The following CCDC125 variants were observed in gnomAD, a reference collection of about 807,000 sequenced individuals.
CCDC125 encodes coiled-coil domain containing 125.
A neutral mutation model predicts 57.4 loss-of-function variants in CCDC125; 43 were observed. That is an observed-to-expected ratio of 0.75 (90% CI 0.59 to 0.97). The LOEUF (loss-of-function observed/expected upper bound fraction) is 0.97. Ranked by LOEUF, CCDC125 falls within the 50% of genes least tolerant of loss-of-function variation. The pLI is 0.00. For synonymous variants in CCDC125, 187 were observed against 195.2 expected, an observed-to-expected ratio of 0.96 and a Z score of 0.35; for missense variants, 563 against 595.7, an observed-to-expected ratio of 0.95 and a Z score of 0.57.
At position 69,302,000 on chromosome 5, in the gene CCDC125, T is replaced by C. The variant is rs1756537602; in HGVS notation, c.700+1847A>G. Among the ~76,000 whole-genome samples, 3 of 151,766 alleles carry C rather than the reference T, an allele frequency of 2.0e-5. No individual in the cohort carries two copies. The South Asian group carries it at 6.2e-4, about 32-fold the overall frequency. On this transcript the variant is annotated intron_variant, in intron 7 of 11. Transcript: ENST00000396496. ...TGGGAGGCTGAGGTGGGAGGATCTC[T>C]TGAGCCCAGAAAGTGGAGGTTGCAG... is the stretch of plus-strand genomic sequence containing the variant.
intron 10 of CCDC125, among the ~76,000 whole-genome samples, chr5:69,290,720 C>A (rs1443279710): frequency 6.8e-6 from 1 of 147,720 alleles, no homozygotes; most frequent in South Asian, 2.2e-4. Context: ...ACCTCCACTT[C>A]CCAGGTTCAA....
intron 10 of CCDC125, among the ~76,000 whole-genome samples, chr5:69,290,109 T>C (rs748187794): frequency 6.6e-6 from 1 of 152,038 alleles, no homozygotes; most frequent in Non-Finnish European, 1.5e-5. Context: ...TTACTGCTTC[T>C]ATTTCTATCA....
chr5:69,324,974 G>C (rs1186775962), intron 1 of CCDC125, among the ~76,000 whole-genome samples: 2 of 152,214 alleles, frequency 1.3e-5, no homozygotes, highest in Admixed American at 6.5e-5. Flanking sequence ...AAGGGCATGA[G>C]GGAAGTTTTC....
rs543223686 is a variant in CCDC125, at chr5:69,280,634, G to A, written c.*2095C>T. On this transcript the variant is annotated 3_prime_UTR_variant, in exon 12 of 12. Transcript: ENST00000396496. The stretch of plus-strand genomic sequence containing the variant: ...CAATAAATTATGCTGCATCTCCTTT[G>A]CTGTCTCATTTAAATTCTTTTAAAC... The A allele has an allele frequency of 6.6e-6, 1 of 152,212 alleles. No homozygotes were observed. The highest frequency in any genetic ancestry group is 2.1e-4 in the South Asian group (1 of 4,816). 9.4% of individuals were successfully genotyped at this position (152,212 alleles called of 1,614,324 possible). A position where few individuals can be genotyped will look rare whatever the true frequency, so the allele number is the denominator to read the frequency against.
At chr5:69,330,673 A>C (rs1761307458) in intron 1 of CCDC125, among the ~76,000 whole-genome samples, 1 of 151,968 alleles carries the variant, frequency 6.6e-6, no homozygotes, top group Non-Finnish European at 1.5e-5. Flanking sequence ...TGCATCAACT[A>C]TGCTCCAAAA....
At chr5:69,312,897 T>C (rs1211263242) in intron 3 of CCDC125, among the ~76,000 whole-genome samples, 1 of 152,108 alleles carries the variant, frequency 6.6e-6, no homozygotes, top group Non-Finnish European at 1.5e-5. Flanking sequence ...CTGGTCCTGC[T>C]TCCATGAGTA....
At chr5:69,322,619 G>A (rs780792096) in intron 1 of CCDC125, among the ~76,000 whole-genome samples, 15 of 151,544 alleles carry the variant, frequency 9.9e-5, no homozygotes, top group East Asian at 4.0e-4. Flanking sequence ...CTGGAGTGCC[G>A]TGGCGCAATC....
chr5:69,273,509 A>G, the CCDC125 span, among the ~76,000 whole-genome samples: 1 of 152,166 alleles, frequency 6.6e-6, no homozygotes, highest in East Asian at 1.9e-4. Context: ...GAACATGGTA[A>G]TGGGGAGGAA....
chr5:69,287,642 T>G (rs558999135), intron 10 of CCDC125, among the ~76,000 whole-genome samples: 1 of 151,830 alleles, frequency 6.6e-6, no homozygotes, highest in South Asian at 2.1e-4. Context: ...GGATCATGAC[T>G]CACTGCAGCC....
rs1051364272 is a variant in CCDC125 at position 69,281,324 on chromosome 5, T to A, written c.*1405A>T. On this transcript the variant is annotated 3_prime_UTR_variant, in exon 12 of 12. Transcript: ENST00000396496. ...CAGCCTGAGCAACACAGTGGGACCC[T>A]GTCTACACACACACCCCACCCCCAC... is the stretch of plus-strand genomic sequence containing the variant. 1 of 152,132 alleles carries A rather than the reference T, an allele frequency of 6.6e-6. No homozygotes were observed. The allele number at this position is 152,132 out of a possible 1,614,324, so 9.4% of individuals were successfully genotyped here. A position where few individuals can be genotyped will look rare whatever the true frequency, so the allele number is the denominator to read the frequency against.
rs781765630 is a variant in CCDC125 at position 69,306,810 on chromosome 5, T to A, written c.617+7A>T. The A allele has an allele frequency of 6.8e-7, 1 of 1,473,094 alleles. No individual in the cohort carries two copies. Among genetic ancestry groups the A allele is most frequent in the East Asian group, 2.6e-5 (1 of 39,158 alleles). 91.3% of individuals were successfully genotyped at this position (1,473,094 alleles called of 1,614,324 possible). A position where few individuals can be genotyped will look rare whatever the true frequency, so the allele number is the denominator to read the frequency against. On this transcript the variant is annotated splice_region_variant and intron_variant, in intron 6 of 11. Transcript: ENST00000396496. ...GTCAAAGAAAAATAATGGAGTAATA[T>A]ACAAACCTGTCATATTTTTGGATCC...
At chr5:69,299,078 T>C (rs968771199) in intron 8 of CCDC125, among the ~76,000 whole-genome samples, 1 of 152,084 alleles carries the variant, frequency 6.6e-6, no homozygotes, top group African/African-American at 2.4e-5. Context: ...TATTTGCTAT[T>C]ATTATTACCA....
chr5:69,287,193 T>C (rs1240980878), intron 10 of CCDC125, among the ~76,000 whole-genome samples: 1 of 152,082 alleles, frequency 6.6e-6, no homozygotes, highest in Non-Finnish European at 1.5e-5. Context: ...ATTAAAGTCT[T>C]GTCACTGAGA....
At chr5:69,283,326 T>C (rs896419120) in intron 11 of CCDC125, among the ~76,000 whole-genome samples, 2 of 151,360 alleles carry the variant, frequency 1.3e-5, no homozygotes, top group Admixed American at 6.6e-5. Flanking sequence ...TTCACACTAT[T>C]CTCCTGCCTC....
At chr5:69,311,262 T>C in intron 3 of CCDC125, 58 bp from the exon 4 acceptor site, 1 of 1,049,252 alleles carries the variant, frequency 9.5e-7, no homozygotes, top group Non-Finnish European at 1.4e-6. Flanking sequence ...CCTAAAATTA[T>C]CAGTTTGGCT....
chr5:69,313,948 C>A (rs771757327), intron 3 of CCDC125, 37 bp downstream of exon 3: 15 of 1,482,680 alleles, frequency 1.0e-5, no homozygotes, highest in Middle Eastern at 3.4e-4. Context: ...TGGGACCCAG[C>A]TAAACTGATA....
intron 8 of CCDC125, 92 bp downstream of exon 8, chr5:69,299,920 G>T: frequency 2.0e-6 from 2 of 1,010,774 alleles, no homozygotes; most frequent in Non-Finnish European, 3.1e-6. Flanking sequence ...CTAAGTATGT[G>T]CTATCCTACA....
intron 2 of CCDC125, among the ~76,000 whole-genome samples, chr5:69,319,103 C>G (rs1475708023): frequency 6.6e-6 from 1 of 151,662 alleles, no homozygotes; most frequent in Non-Finnish European, 1.5e-5. Context: ...AATTTTTATA[C>G]TTTTAGTAGA....
chr5:69,307,732 C>T, intron 5 of CCDC125: 1 of 533,346 alleles, frequency 1.9e-6, no homozygotes, highest in South Asian at 2.7e-5. Flanking sequence ...TGGCAGGCCT[C>T]CTACTACCTT....
Sources: allele counts gnomAD v4.1 joint callset (sites outside exome capture counted in the v4.1 genomes callset), GRCh38; gene constraint gnomAD v4.1.1; transcripts MANE v1.5; gene names NCBI Gene and HGNC (gene_info 2026-07-23, HGNC 2026-07-21).